RUNX2: variants seen among roughly 807,000 people sequenced by gnomAD.
The protein encoded by RUNX2 is runt-related transcription factor 2.
A neutral mutation model predicts 51.7 loss-of-function variants in RUNX2; 10 were observed. The ratio of observed to expected loss-of-function variants is 0.19; its 90% CI spans 0.12 to 0.33. RUNX2 has a LOEUF of 0.33. Among genes scored for constraint, RUNX2 ranks in the 10% least tolerant of loss-of-function variants. The pLI is 1.00. For missense variants in RUNX2, 562 were observed against 691.3 expected, an observed-to-expected ratio of 0.81 and a Z score of 2.10; for synonymous variants, 276 against 273.6, an observed-to-expected ratio of 1.01 and a Z score of -0.09.
chr6:45,510,172 T>G (rs1365576583), intron 6 of RUNX2, among the ~76,000 whole-genome samples: 1 of 152,238 alleles, frequency 6.6e-6, no homozygotes, highest in Admixed American at 6.5e-5. Context: ...ATTTGAAATG[T>G]TGCCAATCTC....
chr6:45,415,127 G>A (rs1380048286), intron 2 of RUNX2, among the ~76,000 whole-genome samples: 1 of 152,016 alleles, frequency 6.6e-6, no homozygotes, highest in Non-Finnish European at 1.5e-5. Context: ...GCATGTCTTG[G>A]GGATCAGAAA....
At chr6:45,380,760 A>G (rs1797222969) in intron 2 of RUNX2, among the ~76,000 whole-genome samples, 1 of 152,158 alleles carries the variant, frequency 6.6e-6, no homozygotes, top group South Asian at 2.1e-4. Flanking sequence ...TATTTTTAAT[A>G]GAGACGGGGT....
intron 2 of RUNX2, among the ~76,000 whole-genome samples, chr6:45,332,382 T>C (rs543809345): frequency 6.8e-4 from 103 of 151,934 alleles, no homozygotes; most frequent in Non-Finnish European, 1.1e-3. Context: ...AAGGTAAGTA[T>C]TCATAGAAAA....
intron 5 of RUNX2, among the ~76,000 whole-genome samples, chr6:45,466,002 A>G (rs924323164): frequency 2.0e-5 from 3 of 152,066 alleles, no homozygotes; most frequent in Non-Finnish European, 4.4e-5. Context: ...CAGTAGCTCT[A>G]ATCTTGAGAT....
intron 5 of RUNX2, among the ~76,000 whole-genome samples, chr6:45,469,301 C>T (rs938174988): frequency 2.6e-5 from 4 of 151,986 alleles, no homozygotes; most frequent in South Asian, 2.1e-4. Context: ...GAATGTTTAT[C>T]GGGTAAATGA....
chr6:45,432,080 T>G (rs1441505982), intron 4 of RUNX2, 61 bp downstream of exon 4: 3 of 1,481,288 alleles, frequency 2.0e-6, no homozygotes, highest in Non-Finnish European at 1.9e-6. Flanking sequence ...TTTGATGAAA[T>G]GTAGACTAGT....
chr6:45,371,927 C>A, intron 2 of RUNX2: 2 of 799,080 alleles, frequency 2.5e-6, no homozygotes, highest in Non-Finnish European at 1.5e-6. Context: ...TTGAACTGCC[C>A]AAGGACACAC....
At chr6:45,382,715 G>T (rs1297568115) in intron 2 of RUNX2, among the ~76,000 whole-genome samples, 1 of 152,180 alleles carries the variant, frequency 6.6e-6, no homozygotes, top group African/African-American at 2.4e-5. Flanking sequence ...GACACTGAGA[G>T]GCTATTGGCA....
chr6:45,350,203 T>C (rs1204470484), intron 2 of RUNX2, among the ~76,000 whole-genome samples: 2 of 152,204 alleles, frequency 1.3e-5, no homozygotes, highest in Non-Finnish European at 2.9e-5. Flanking sequence ...GTTTGTTTTA[T>C]TCACTGCTAT....
chr6:45,505,891 A>G (rs543080251), intron 6 of RUNX2, among the ~76,000 whole-genome samples: 3 of 152,338 alleles, frequency 2.0e-5, no homozygotes, highest in South Asian at 2.1e-4. Context: ...TAAAAACACA[A>G]TTCCATGCTT....
At chr6:45,527,090 T>G (rs1477502928) in intron 7 of RUNX2, among the ~76,000 whole-genome samples, 3 of 151,956 alleles carry the variant, frequency 2.0e-5, no homozygotes, top group African/African-American at 7.3e-5. Context: ...CAAAAAAGAG[T>G]TAGCCCTGTC....
intron 6 of RUNX2, among the ~76,000 whole-genome samples, chr6:45,509,334 C>G (rs1801073171): frequency 6.6e-6 from 1 of 152,128 alleles, no homozygotes; most frequent in Non-Finnish European, 1.5e-5. Context: ...ATAGATAGCT[C>G]TTGTATTTAT....
intron 4 of RUNX2, among the ~76,000 whole-genome samples, chr6:45,435,074 G>A (rs1798645624): frequency 6.6e-6 from 1 of 152,122 alleles, no homozygotes; most frequent in Non-Finnish European, 1.5e-5. Flanking sequence ...TTGATCCTTA[G>A]GGTCTGATTT....
chr6:45,403,229 C>CTT lies in RUNX2; in HGVS notation c.59-19344_59-19343dup, dbSNP rs201142802. ...CTTCCATACTTAATTGTTTGAGTTT[C>CTT]TTTTTTTTTTTTTTTTTTTTTGAGA... On this transcript the variant is annotated intron_variant, in intron 2 of 8. Transcript: ENST00000647337. 6.6e-3 allele frequency among the ~76,000 whole-genome samples: 716 copies of CTT among 108,770 alleles called. 5 individuals carry two copies. The highest frequency in any genetic ancestry group is 0.012 in the African/African-American group (392 of 32,090). 71.4% of individuals were successfully genotyped at this position (108,770 alleles called of 152,430 possible).
chr6:45,402,688 G>A (rs1037543216), intron 2 of RUNX2, among the ~76,000 whole-genome samples: 1 of 152,062 alleles, frequency 6.6e-6, no homozygotes, highest in East Asian at 1.9e-4. Flanking sequence ...GCTACATAGA[G>A]AGCCTCTGTT....
intron 5 of RUNX2, among the ~76,000 whole-genome samples, chr6:45,456,558 A>G (rs1232164769): frequency 1.3e-5 from 2 of 152,072 alleles, no homozygotes; most frequent in East Asian, 1.9e-4. Context: ...ATAGGTGCTC[A>G]CAAGATGTTT....
chr6:45,400,399 A>G (rs1249457828), intron 2 of RUNX2, among the ~76,000 whole-genome samples: 2 of 152,140 alleles, frequency 1.3e-5, no homozygotes, highest in Non-Finnish European at 2.9e-5. Context: ...CACCACAAAT[A>G]TTGCCTCTAG....
At chr6:45,407,773 T>A (rs1277296117) in intron 2 of RUNX2, among the ~76,000 whole-genome samples, 1 of 152,154 alleles carries the variant, frequency 6.6e-6, no homozygotes, top group Non-Finnish European at 1.5e-5. Flanking sequence ...ATACTGGGAT[T>A]ATAGGCATGA....
At chr6:45,378,481 C>G (rs1044265358) in intron 2 of RUNX2, among the ~76,000 whole-genome samples, 8 of 152,178 alleles carry the variant, frequency 5.3e-5, no homozygotes, top group Non-Finnish European at 1.2e-4. Flanking sequence ...GATGTGGAAC[C>G]CTTTCTGGGA....
Sources: allele counts gnomAD v4.1 joint callset (sites outside exome capture counted in the v4.1 genomes callset), GRCh38; gene constraint gnomAD v4.1.1; transcripts MANE v1.5; gene names NCBI Gene and HGNC (gene_info 2026-07-23, HGNC 2026-07-21).